Variants in OR5B3 observed in about 807,000 individuals in gnomAD.
The protein encoded by OR5B3 is olfactory receptor family 5 subfamily B member 3, also known as olfactory receptor 5B3.
For synonymous variants in OR5B3, 150 were observed against 135.0 expected (o/e 1.11, Z -0.77); for missense variants, 430 against 375.4 (o/e 1.15, Z -1.20).
In OR5B3 at chr11:58,402,549, G is replaced by C. The variant is rs572981565; in HGVS notation, c.861C>G (p.Val287=). The change falls in exon 2 of 2, where the codon GTC becomes GTG. Residue 287 remains valine (V), a synonymous_variant. Coordinates refer to ENST00000641865, the MANE Select transcript of OR5B3 (RefSeq NM_001005469.2). ...TCACTTCCTTGTTCCTCAGACTATA[G>C]ACCAGAGGGTTCAGCATGGGGATGA... ...TMVIPMLNPL[V]YSLRNKEVKS... is the part of the protein sequence containing the mutation. 6.2e-7 allele frequency: 1 copy of C among 1,613,580 alleles called. No individual in the cohort carries two copies. Among genetic ancestry groups the C allele is most frequent in the Non-Finnish European group, 8.5e-7 (1 of 1,179,552 alleles).
chr11:58,404,575 A>G (rs1281512764), intron 1 of OR5B3, among the ~76,000 whole-genome samples: 1 of 151,402 alleles, frequency 6.6e-6, no homozygotes, highest in Non-Finnish European at 1.5e-5. Context: ...TGTGTTCTTC[A>G]GTGATTTTCA....
Position 58,402,850 on chromosome 11 carries a change from C to A in OR5B3, c.560G>T (p.Cys187Phe), listed in dbSNP as rs752699731. ...CDIPAVMVLS[C>F]SDRHISELVL... is the part of the protein sequence containing the mutation. ...AAGCTCGCTAATATGTCTATCAGAG[C>A]AAGAGAGAACCATGACTGCTGGAAT... The change falls in exon 2 of 2, where the codon TGC (cysteine) becomes TTC (phenylalanine). Residue 187 changes from cysteine to phenylalanine, a missense_variant. Transcript: ENST00000641865. 2.5e-6 allele frequency: 4 copies of A among 1,613,866 alleles called. No homozygotes were observed. The highest frequency in any genetic ancestry group is 1.1e-5 in the South Asian group (1 of 91,066).
chr11:58,402,774 G>T lies in OR5B3; in HGVS notation c.636C>A (p.Ile212=). Residue 212 remains isoleucine (I), a synonymous_variant, in exon 2 of 2, where the codon ATC becomes ATA. Coordinates refer to ENST00000641865, the MANE Select transcript of OR5B3 (RefSeq NM_001005469.2). ...TAAAAATGAATGTGTAGGATATCAAGATAACCAGGAGAGCTATAAAGATAT... is the reference window on the plus strand; with the variant it reads ...TAAAAATGAATGTGTAGGATATCAATATAACCAGGAGAGCTATAAAGATAT... ...SFNIFIALLV[I]LISYTFIFIT... The T allele has an allele frequency of 6.2e-7, 1 of 1,613,902 alleles. No individual in the cohort carries two copies. Among genetic ancestry groups the T allele is most frequent in the Non-Finnish European group, 8.5e-7 (1 of 1,179,944 alleles).
intron 1 of OR5B3, among the ~76,000 whole-genome samples, chr11:58,404,181 C>A (rs754900988): frequency 4.0e-5 from 6 of 151,868 alleles, no homozygotes; most frequent in Non-Finnish European, 7.4e-5. Flanking sequence ...AAGCCTATCA[C>A]CAAACAGAGC....
At chr11:58,403,604 A>C (rs1855065470) in intron 1 of OR5B3, among the ~76,000 whole-genome samples, 169 bp from the exon 2 acceptor site, 1 of 152,226 alleles carries the variant, frequency 6.6e-6, no homozygotes, top group African/African-American at 2.4e-5. Flanking sequence ...ACAGAGTTAC[A>C]TACTGTTGAA....
At chr11:58,406,064 G>GT (rs550184243) in intron 1 of OR5B3, among the ~76,000 whole-genome samples, 57 of 152,192 alleles carry the variant, frequency 3.7e-4, no homozygotes, top group African/African-American at 1.3e-3. Flanking sequence ...ACCTATGAAG[G>GT]TGTTATGTTG....
chr11:58,402,516 T>C lies in OR5B3; in HGVS notation c.894A>G (p.Ala298=), dbSNP rs973608510. The change falls in exon 2 of 2, where the codon GCA becomes GCG. Residue 298 remains alanine, a synonymous_variant. Transcript: ENST00000641865. ...TTGCCTTCTCAACAACTTTCTTGAA[T>C]GCACTCTTCACTTCCTTGTTCCTCA... The part of the protein sequence containing the change: ...YSLRNKEVKS[A]FKKVVEKAKL... 1.2e-6 allele frequency: 2 copies of C among 1,613,516 alleles called. No individual in the cohort carries two copies. The highest frequency in any genetic ancestry group is 1.1e-5 in the South Asian group (1 of 91,074).
At chr11:58,404,000 T>C (rs1028830101) in intron 1 of OR5B3, among the ~76,000 whole-genome samples, 12 of 152,162 alleles carry the variant, frequency 7.9e-5, no homozygotes, top group Admixed American at 3.3e-4. Context: ...CTAAACTGAA[T>C]TTAAATCAAA....
intron 1 of OR5B3, among the ~76,000 whole-genome samples, chr11:58,403,716 G>C (rs73485934): frequency 0.018 from 2,766 of 152,202 alleles, 85 homozygotes; most frequent in African/African-American, 0.062. Context: ...GACTCATCTA[G>C]ATGCATCTAT....
Position 58,402,616 on chromosome 11 carries a change from G to C in OR5B3, c.794C>G (p.Ser265Cys). 1 of 1,613,918 alleles carries C rather than the reference G, an allele frequency of 6.2e-7. No homozygotes were observed. Among genetic ancestry groups the C allele is most frequent in the South Asian group, 1.1e-5 (1 of 91,076 alleles). Residue 265 changes from serine to cysteine, a missense_variant, in exon 2 of 2, where the codon TCC becomes TGC. Ser to Cys is a moderately radical substitution (Grantham distance 112). Coordinates refer to ENST00000641865, the MANE Select transcript of OR5B3 (RefSeq NM_001005469.2). ...FMYLQPSSSH[S>C]MDTDKMAPVF... is the part of the protein sequence containing the mutation. The stretch of plus-strand genomic sequence containing the variant: ...AGGTGCCATTTTGTCTGTGTCCATG[G>C]AGTGACTGGAGCTGGGTTGTAAGTA...
At chr11:58,406,763 A>G (rs1004036043) in intron 1 of OR5B3, 38 bp downstream of exon 1, 3 of 152,158 alleles carry the variant, frequency 2.0e-5, no homozygotes, top group African/African-American at 7.2e-5. Flanking sequence ...CATGAGTTAC[A>G]CTTGTCTCTA....
At chr11:58,404,220 T>A (rs12282128) in intron 1 of OR5B3, among the ~76,000 whole-genome samples, 49,061 of 150,496 alleles carry the variant, frequency 0.33, 8,105 homozygotes, top group Non-Finnish European at 0.36. Context: ...CTTGAAAGAG[T>A]TGCGTATCAG....
At position 58,403,270 on chromosome 11, in the gene OR5B3, A is replaced by G. The variant is rs762085112; in HGVS notation, c.140T>C (p.Ile47Thr). Residue 47 changes from isoleucine to threonine, a missense_variant, in exon 2 of 2, where the codon ATA becomes ACA. Coordinates refer to ENST00000641865, the MANE Select transcript of OR5B3 (RefSeq NM_001005469.2). ...LVGNLGIIVL[I>T]FWDSCLHNPM... The stretch of plus-strand genomic sequence containing the variant: ...ATTGTGGAGACAGGAATCCCAGAAT[A>G]TCAATACAATAATTCCCAGGTTTCC... 7 of 1,613,786 alleles carry G rather than the reference A, an allele frequency of 4.3e-6. No homozygotes were observed. The Admixed American group carries it at 5.0e-5, about 12-fold the overall frequency.
At chr11:58,406,185 G>T (rs904164979) in intron 1 of OR5B3, among the ~76,000 whole-genome samples, 5 of 140,690 alleles carry the variant, frequency 3.6e-5, no homozygotes, top group African/African-American at 1.0e-4. Context: ...GCATGTGTGT[G>T]TGTGAGAGAG....
rs746290766 is a variant in OR5B3 at position 58,402,652 on chromosome 11, A to G, written c.758T>C (p.Ile253Thr). ...FIAVGIFYGT[I>T]IFMYLQPSSS... The stretch of plus-strand genomic sequence containing the variant: ...GCTGGGTTGTAAGTACATGAAGATA[A>G]TAGTCCCATAGAAGATGCCGACTGC... The change falls in exon 2 of 2, where the codon ATT becomes ACT. Residue 253 changes from isoleucine to threonine, a missense_variant. Coordinates refer to ENST00000641865, the MANE Select transcript of OR5B3 (RefSeq NM_001005469.2). 14 of 1,614,014 alleles carry G rather than the reference A, an allele frequency of 8.7e-6. No individual in the cohort carries two copies. The South Asian group carries it at 1.2e-4, about 14-fold the overall frequency.
chr11:58,403,276 A>G lies in OR5B3; in HGVS notation c.134T>C (p.Val45Ala), dbSNP rs773311171. Residue 45 changes from valine (V) to alanine (A), a missense_variant, in exon 2 of 2, where the codon GTA becomes GCA. By Grantham distance (64) the Val-to-Ala change is moderately conservative. Transcript: ENST00000641865. ...GAGACAGGAATCCCAGAATATCAATACAATAATTCCCAGGTTTCCAACCAG... is the reference window on the plus strand; with the variant it reads ...GAGACAGGAATCCCAGAATATCAATGCAATAATTCCCAGGTTTCCAACCAG... ...ITLVGNLGII[V>A]LIFWDSCLHN... 4.8e-5 allele frequency: 77 copies of G among 1,613,642 alleles called. No individual in the cohort carries two copies. In the South Asian group the frequency reaches 8.1e-4, roughly 17 times the overall value.
Position 58,402,613 on chromosome 11 carries a change from A to C in OR5B3, c.797T>G (p.Met266Arg), listed in dbSNP as rs79345772. Residue 266 changes from methionine to arginine, a missense_variant, in exon 2 of 2, where the codon ATG (methionine) becomes AGG (arginine). Met to Arg is a moderately conservative substitution (Grantham distance 91). Coordinates refer to ENST00000641865, the MANE Select transcript of OR5B3 (RefSeq NM_001005469.2). ...MYLQPSSSHS[M>R]DTDKMAPVFY... The stretch of plus-strand genomic sequence containing the variant: ...CACAGGTGCCATTTTGTCTGTGTCC[A>C]TGGAGTGACTGGAGCTGGGTTGTAA... 6.2e-7 allele frequency: 1 copy of C among 1,613,884 alleles called. No individual in the cohort carries two copies. Among genetic ancestry groups the C allele is most frequent in the South Asian group, 1.1e-5 (1 of 91,072 alleles).
rs1460804663 is a variant in OR5B3 at position 58,402,985 on chromosome 11, A to G, written c.425T>C (p.Leu142Pro). The G allele has an allele frequency of 4.3e-6, 7 of 1,613,988 alleles. No homozygotes were observed. Among genetic ancestry groups the G allele is most frequent in the Non-Finnish European group, 5.9e-6 (7 of 1,179,996 alleles). The change falls in exon 2 of 2, where the codon CTG becomes CCG. Residue 142 changes from leucine (L) to proline (P), a missense_variant. Coordinates refer to ENST00000641865, the MANE Select transcript of OR5B3 (RefSeq NM_001005469.2). ...ACCACAGAGGTAGGAGCCTATGGCC[A>G]GACGAGCACACACAGTTGTTGTCAT... The part of the protein sequence containing the change: ...TTMTTTVCAR[L>P]AIGSYLCGFL...
intron 1 of OR5B3, among the ~76,000 whole-genome samples, chr11:58,405,607 G>A (rs951409391): frequency 1.3e-5 from 2 of 152,146 alleles, no homozygotes; most frequent in African/African-American, 4.8e-5. Context: ...GAGGATGGTG[G>A]GTAGGAGGAG....
Sources: gnomAD v4.1 joint callset for allele counts (sites outside exome capture counted in the v4.1 genomes callset) on GRCh38, gnomAD v4.1.1 for gene constraint, MANE v1.5 for transcripts, NCBI Gene and HGNC (gene_info 2026-07-23, HGNC 2026-07-21) for gene names.